Variants in HPCAL1 observed in about 807,000 individuals in gnomAD.
The protein encoded by HPCAL1 is hippocalcin-like protein 1.
Under a neutral mutation model 17.1 loss-of-function variants are expected in HPCAL1, and 8 were observed. That is an observed-to-expected ratio of 0.47 (90% CI 0.27 to 0.84). HPCAL1 has a LOEUF of 0.84. Among genes scored for constraint, HPCAL1 ranks in the 40% least tolerant of loss-of-function variants. The probability of loss-of-function intolerance (pLI) is 0.13; values close to 1 mark genes in which losing one functional copy is unlikely to be tolerated. For missense variants in HPCAL1, 165 were observed against 271.1 expected (o/e 0.61, Z 2.75); for synonymous variants, 112 against 111.4 (o/e 1.01, Z -0.03).
At chr2:10,411,247 T>C (rs1317465976) in intron 2 of HPCAL1, among the ~76,000 whole-genome samples, 1 of 152,176 alleles carries the variant, frequency 6.6e-6, no homozygotes, top group African/African-American at 2.4e-5. Flanking sequence ...GGTCTTGGCA[T>C]GGAAAGGGCC....
In HPCAL1 at chr2:10,396,836, G is replaced by C. The variant is rs1293773265; in HGVS notation, c.-109G>C. ...TGACCTGTCGCTCTTCTCTTCCAGG[G>C]GCATGGTCTAGTGGCCCAGTCAGGA... is the stretch of plus-strand genomic sequence containing the variant. On this transcript the variant is annotated splice_region_variant and 5_prime_UTR_variant, in exon 2 of 5. Coordinates refer to ENST00000307845, the MANE Select transcript of HPCAL1 (RefSeq NM_002149.4). The C allele has an allele frequency of 6.6e-6, 1 of 152,298 alleles. No homozygotes were observed. The allele number at this position is 152,298 out of a possible 1,614,324, so 9.4% of individuals were successfully genotyped here.
At chr2:10,316,414 C>A (rs546768677) in intron 1 of HPCAL1, among the ~76,000 whole-genome samples, 16 of 152,286 alleles carry the variant, frequency 1.1e-4, no homozygotes, top group African/African-American at 3.9e-4. Flanking sequence ...TGGCGATGAT[C>A]CTTCTTTTTC....
intron 1 of HPCAL1, among the ~76,000 whole-genome samples, chr2:10,322,317 C>G (rs996152421): frequency 7.2e-5 from 11 of 152,120 alleles, no homozygotes; most frequent in African/African-American, 2.7e-4. Context: ...ACCACTGCAC[C>G]CAGCCACAGT....
rs1177536045 is a variant in HPCAL1 at position 10,354,014 on chromosome 2, C to T, written c.-110-42821C>T. ...GAGGGACTATTTTAATGGTAAGTAC[C>T]CATATTTAGATCTTTTTTACTGTGG... On this transcript the variant is annotated intron_variant, in intron 1 of 4. Coordinates refer to ENST00000307845, the MANE Select transcript of HPCAL1 (RefSeq NM_002149.4). The surrounding 1 kb of genome is among the most constrained non-coding windows in gnomAD (Gnocchi z 5.1). Among the ~76,000 whole-genome samples the T allele has an allele frequency of 1.3e-5, 2 of 152,080 alleles. No homozygotes were observed. The highest frequency in any genetic ancestry group is 6.6e-5 in the Admixed American group (1 of 15,264).
chr2:10,353,386 T>C (rs914363298), intron 1 of HPCAL1, among the ~76,000 whole-genome samples: 1 of 152,136 alleles, frequency 6.6e-6, no homozygotes. Flanking sequence ...AAGCCCCCAG[T>C]GCCATCCTTC....
chr2:10,352,443 C>A (rs574821832), intron 1 of HPCAL1, among the ~76,000 whole-genome samples: 1 of 152,212 alleles, frequency 6.6e-6, no homozygotes, highest in African/African-American at 2.4e-5. Flanking sequence ...TTAAATCTCT[C>A]TCTCTTAAGA....
In HPCAL1 at chr2:10,419,527, T is replaced by C. The variant is rs569122685; in HGVS notation, c.-24-207T>C. On this transcript the variant is annotated intron_variant, in intron 2 of 4. Coordinates refer to ENST00000307845, the MANE Select transcript of HPCAL1 (RefSeq NM_002149.4). The surrounding 1 kb of genome is among the most constrained non-coding windows in gnomAD (Gnocchi z 5.0). ...CTCCAAGTGAGAACGTGTCCCGCAG[T>C]GTGAGGGTGAGCTGTCGTGATATAA... is the stretch of plus-strand genomic sequence containing the variant. 1.3e-5 allele frequency among the ~76,000 whole-genome samples: 2 copies of C among 152,042 alleles called. No homozygotes were observed. The highest frequency in any genetic ancestry group is 2.1e-4 in the South Asian group (1 of 4,800).
intron 1 of HPCAL1, among the ~76,000 whole-genome samples, chr2:10,372,272 C>G (rs868205227): frequency 6.7e-6 from 1 of 149,682 alleles, no homozygotes; most frequent in Non-Finnish European, 1.5e-5. Flanking sequence ...AGGTGGGGGA[C>G]GAGGGTTGTC....
intron 3 of HPCAL1, among the ~76,000 whole-genome samples, chr2:10,420,947 G>A (rs1671026311): frequency 6.6e-6 from 1 of 152,056 alleles, no homozygotes; most frequent in African/African-American, 2.4e-5. Flanking sequence ...TTTTAGTAGA[G>A]ACGAGGTTTC....
In HPCAL1 at chr2:10,390,199, G is replaced by T. The variant is rs11888704; in HGVS notation, c.-110-6636G>T. Among the ~76,000 whole-genome samples the T allele has an allele frequency of 0.17, 25,431 of 152,168 alleles. 3,084 individuals carry two copies. Among genetic ancestry groups the T allele is most frequent in the East Asian group, 0.33 (1,710 of 5,172 alleles). On this transcript the variant is annotated intron_variant, in intron 1 of 4. Coordinates refer to ENST00000307845, the MANE Select transcript of HPCAL1 (RefSeq NM_002149.4). Reference sequence around the variant, plus strand: ...CTTTCCAGACCTTCACCTGTGTGAAGCTTGCAACCTGGATGGTCTCATGTG... The same window carrying T: ...CTTTCCAGACCTTCACCTGTGTGAATCTTGCAACCTGGATGGTCTCATGTG...
rs541680724 is a variant in HPCAL1 at position 10,359,929 on chromosome 2, C to T, written c.-110-36906C>T. Among the ~76,000 whole-genome samples the T allele has an allele frequency of 1.3e-5, 2 of 152,098 alleles. No individual in the cohort carries two copies. Among genetic ancestry groups the T allele is most frequent in the South Asian group, 4.2e-4 (2 of 4,812 alleles). On this transcript the variant is annotated intron_variant, in intron 1 of 4. Transcript: ENST00000307845. The surrounding 1 kb of genome is among the most constrained non-coding windows in gnomAD (Gnocchi z 4.1). ...GGGTCCACAGCGCCCGCCGGGTCCA[C>T]AGCGCCCGCCGGGTCCACAGCGCCC...
At chr2:10,379,989 G>A (rs1403225895) in intron 1 of HPCAL1, among the ~76,000 whole-genome samples, 1 of 152,192 alleles carries the variant, frequency 6.6e-6, no homozygotes, top group Non-Finnish European at 1.5e-5. Context: ...ATGCCCTCTT[G>A]TTAGGGAAGG....
intron 1 of HPCAL1, among the ~76,000 whole-genome samples, chr2:10,353,269 A>T (rs1447176780): frequency 1.3e-5 from 2 of 152,166 alleles, no homozygotes; most frequent in African/African-American, 4.8e-5. Context: ...ACCTACTATT[A>T]TTCTTTATAA....
intron 2 of HPCAL1, among the ~76,000 whole-genome samples, chr2:10,401,380 T>C (rs1572826065): frequency 6.6e-6 from 1 of 152,212 alleles, no homozygotes. Context: ...ACTGGGATCA[T>C]AGACGATGTT....
At chr2:10,372,165 G>C (rs1011958424) in intron 1 of HPCAL1, among the ~76,000 whole-genome samples, 8 of 152,164 alleles carry the variant, frequency 5.3e-5, no homozygotes, top group African/African-American at 1.9e-4. Flanking sequence ...CTTTATTTCT[G>C]GTCATTCCTC....
chr2:10,369,116 C>A (rs1383162398), intron 1 of HPCAL1: 1 of 152,310 alleles, frequency 6.6e-6, no homozygotes, highest in East Asian at 1.9e-4. Context: ...CATCAAGGAG[C>A]CCTCTCAGGC....
intron 2 of HPCAL1, among the ~76,000 whole-genome samples, chr2:10,406,903 G>T (rs959296484): frequency 1.3e-5 from 2 of 152,122 alleles, no homozygotes; most frequent in Non-Finnish European, 2.9e-5. Flanking sequence ...CCCTTTTCCT[G>T]TCTCCCTGTT....
chr2:10,368,958 C>A (rs4669580), intron 1 of HPCAL1: 89,742 of 152,026 alleles, frequency 0.59, 27,013 homozygotes, highest in East Asian at 0.79. Flanking sequence ...GGGGAGGGAC[C>A]GCAGGAGAAT....
chr2:10,406,772 C>T (rs1009125857), intron 2 of HPCAL1, among the ~76,000 whole-genome samples: 6 of 152,242 alleles, frequency 3.9e-5, no homozygotes, highest in African/African-American at 9.6e-5. Context: ...CAGGGACAGA[C>T]GTACATGGGT....
Sources: allele counts gnomAD v4.1 joint callset (sites outside exome capture counted in the v4.1 genomes callset), GRCh38; gene constraint gnomAD v4.1.1; non-coding constraint Gnocchi (gnomAD v3.1); transcripts MANE v1.5; gene names NCBI Gene and HGNC (gene_info 2026-07-23, HGNC 2026-07-21).